COL8A1: variants seen among roughly 807,000 people sequenced by gnomAD.
The protein encoded by COL8A1 is collagen alpha-1(VIII) chain.
COL8A1 carries 21 observed loss-of-function variants against 42.7 expected under a neutral mutation model. That is an observed-to-expected ratio of 0.49 (90% CI 0.35 to 0.71). The LOEUF is 0.71. Ranked by LOEUF, COL8A1 falls within the 30% of genes least tolerant of loss-of-function variation. The pLI, the probability that COL8A1 is intolerant of heterozygous loss-of-function variation, is 0.01. For synonymous variants in COL8A1, 367 were observed against 369.1 expected (o/e 0.99, Z 0.06); for missense variants, 788 against 962.4 (o/e 0.82, Z 2.40).
At chr3:99,690,527 T>C (rs1206210057) in intron 1 of COL8A1, among the ~76,000 whole-genome samples, 1 of 152,246 alleles carries the variant, frequency 6.6e-6, no homozygotes, top group Non-Finnish European at 1.5e-5. Context: ...TCTCTTTTCT[T>C]GATTAACTTT....
rs1207492639 is a variant in COL8A1, at chr3:99,720,704, C to T, written c.-128-24193C>T. On this transcript the variant is annotated intron_variant, in intron 1 of 3. Coordinates refer to ENST00000652472, the MANE Select transcript of COL8A1 (RefSeq NM_020351.4). The stretch of plus-strand genomic sequence containing the variant: ...GCTCTGAGCTCTGTGTGAATTGGCT[C>T]ATCATAGCAAAATGAGCTTCTTAGT... 1.3e-5 allele frequency among the ~76,000 whole-genome samples: 2 copies of T among 152,082 alleles called. 1 individual carries two copies. The highest frequency in any genetic ancestry group is 4.8e-5 in the African/African-American group (2 of 41,418).
At chr3:99,673,925 G>A (rs1367448486) in intron 1 of COL8A1, among the ~76,000 whole-genome samples, 1 of 151,990 alleles carries the variant, frequency 6.6e-6, no homozygotes, top group Non-Finnish European at 1.5e-5. Context: ...GGCTAAATAA[G>A]TTATTACACA....
At chr3:99,733,015 G>T (rs576282466) in intron 1 of COL8A1, among the ~76,000 whole-genome samples, 1 of 151,750 alleles carries the variant, frequency 6.6e-6, no homozygotes, top group South Asian at 2.1e-4. Context: ...TTGTCTCAAT[G>T]TCTCATATCC....
intron 1 of COL8A1, among the ~76,000 whole-genome samples, chr3:99,676,525 G>A (rs1478682012): frequency 6.6e-6 from 1 of 152,104 alleles, no homozygotes; most frequent in East Asian, 1.9e-4. Flanking sequence ...AAAGGGGTTT[G>A]ATAACATTTA....
rs1302501855 is a variant in COL8A1 at position 99,643,890 on chromosome 3, C to T, written c.-129+5226C>T. 2.0e-5 allele frequency among the ~76,000 whole-genome samples: 3 copies of T among 152,082 alleles called. No individual in the cohort carries two copies. In the East Asian group the frequency reaches 5.8e-4, roughly 29 times the overall value. On this transcript the variant is annotated intron_variant, in intron 1 of 3. Coordinates refer to ENST00000652472, the MANE Select transcript of COL8A1 (RefSeq NM_020351.4). ...TGTTGCCAATTTAACCATTTTGTAC[C>T]TTCCTCGGCCTCTAATGAGAGAAAG...
At chr3:99,668,180 ACTGT>A (rs1395309847) in intron 1 of COL8A1, among the ~76,000 whole-genome samples, 1 of 152,128 alleles carries the variant, frequency 6.6e-6, no homozygotes, top group Admixed American at 6.5e-5. Context: ...ATTTTTAAAA[ACTGT>A]CTGGCTAAAA....
intron 1 of COL8A1, among the ~76,000 whole-genome samples, chr3:99,658,058 C>T (rs543298594): frequency 4.3e-4 from 63 of 148,164 alleles, no homozygotes; most frequent in African/African-American, 1.3e-3. Context: ...ACCCAGGAGG[C>T]GGAGGCTGCA....
At position 99,795,701 on chromosome 3, in the gene COL8A1, C is replaced by T; in HGVS notation, c.1800C>T (p.Ala600=). 1 of 1,614,134 alleles carries T rather than the reference C, an allele frequency of 6.2e-7. No homozygotes were observed. Among genetic ancestry groups the T allele is most frequent in the Non-Finnish European group, 8.5e-7 (1 of 1,179,998 alleles). The part of the protein sequence containing the change: ...LGIDGVKPPH[A]YGAKKGKNGG... Reference sequence around the variant, plus strand: ...TTGATGGCGTGAAACCCCCCCATGCCTACGGGGCTAAGAAAGGCAAGAATG... The same window carrying T: ...TTGATGGCGTGAAACCCCCCCATGCTTACGGGGCTAAGAAAGGCAAGAATG... The change falls in exon 4 of 4, where the codon GCC becomes GCT. Residue 600 remains alanine (A), a synonymous_variant. Transcript: ENST00000652472.
At position 99,708,196 on chromosome 3, in the gene COL8A1, A is replaced by G. The variant is rs1432304006; in HGVS notation, c.-128-36701A>G. On this transcript the variant is annotated intron_variant, in intron 1 of 3. Coordinates refer to ENST00000652472, the MANE Select transcript of COL8A1 (RefSeq NM_020351.4). ...ACAGAGTGTTTATGGTGCTACCCCT[A>G]CATCATCCTCAACCACTTCTCAAAG... Among the ~76,000 whole-genome samples the G allele has an allele frequency of 2.6e-5, 4 of 152,272 alleles. No homozygotes were observed. In the East Asian group the frequency reaches 5.8e-4, roughly 22 times the overall value.
chr3:99,654,039 C>A (rs1352869889), intron 1 of COL8A1, among the ~76,000 whole-genome samples: 1 of 152,062 alleles, frequency 6.6e-6, no homozygotes, highest in Non-Finnish European at 1.5e-5. Flanking sequence ...AGTCTGTGGC[C>A]GAGGGCCTGA....
At chr3:99,783,219 A>T (rs1356304356) in intron 2 of COL8A1, among the ~76,000 whole-genome samples, 3 of 152,170 alleles carry the variant, frequency 2.0e-5, no homozygotes, top group African/African-American at 7.2e-5. Flanking sequence ...AACCTTTGGA[A>T]TGTGGTGGTT....
At chr3:99,713,694 C>G (rs1323952077) in intron 1 of COL8A1, among the ~76,000 whole-genome samples, 1 of 152,014 alleles carries the variant, frequency 6.6e-6, no homozygotes, top group Non-Finnish European at 1.5e-5. Flanking sequence ...ATCCTTCTCT[C>G]AAGGAGCAGT....
At chr3:99,713,907 T>G (rs890444268) in intron 1 of COL8A1, among the ~76,000 whole-genome samples, 13 of 152,144 alleles carry the variant, frequency 8.5e-5, no homozygotes, top group Non-Finnish European at 1.5e-4. Context: ...GAAGCTGTTT[T>G]ACTTAATCTG....
intron 2 of COL8A1, among the ~76,000 whole-genome samples, chr3:99,787,012 A>G (rs756190248): frequency 6.6e-6 from 1 of 152,084 alleles, no homozygotes; most frequent in Non-Finnish European, 1.5e-5. Flanking sequence ...GCTTATACAC[A>G]CCACACACAA....
chr3:99,705,103 T>C (rs923550132), intron 1 of COL8A1, among the ~76,000 whole-genome samples: 1 of 152,196 alleles, frequency 6.6e-6, no homozygotes, highest in Non-Finnish European at 1.5e-5. Context: ...CACCTTTTTT[T>C]CTTCTGGCCT....
At chr3:99,762,959 A>C (rs1941391829) in intron 2 of COL8A1, among the ~76,000 whole-genome samples, 1 of 152,156 alleles carries the variant, frequency 6.6e-6, no homozygotes, top group South Asian at 2.1e-4. Context: ...AGTGGGAATC[A>C]ACCTCTTTAA....
intron 1 of COL8A1, among the ~76,000 whole-genome samples, chr3:99,656,591 G>A (rs1938028933): frequency 6.6e-6 from 1 of 152,000 alleles, no homozygotes; most frequent in African/African-American, 2.4e-5. Context: ...TAATAGCTCA[G>A]TTTAGGGTTA....
At chr3:99,734,881 G>A (rs375646352) in intron 1 of COL8A1, among the ~76,000 whole-genome samples, 29 of 152,142 alleles carry the variant, frequency 1.9e-4, no homozygotes, top group East Asian at 7.7e-4. Context: ...TTGTAAGTTG[G>A]ATTCCTAGGT....
At chr3:99,776,464 A>C (rs1941694511) in intron 2 of COL8A1, among the ~76,000 whole-genome samples, 1 of 152,158 alleles carries the variant, frequency 6.6e-6, no homozygotes. Flanking sequence ...AGAAATCTAA[A>C]GTGGTGTGTG....
Sources: gnomAD v4.1 joint callset for allele counts (sites outside exome capture counted in the v4.1 genomes callset) on GRCh38, gnomAD v4.1.1 for gene constraint, MANE v1.5 for transcripts, NCBI Gene and HGNC (gene_info 2026-07-23, HGNC 2026-07-21) for gene names.